The following TTC21B variants were observed in gnomAD, a reference collection of about 807,000 sequenced individuals.
The protein encoded by TTC21B is tetratricopeptide repeat protein 21B.
In TTC21B, 127 loss-of-function variants were observed where a neutral mutation model predicts 175.1. The ratio of observed to expected loss-of-function variants is 0.73; its 90% CI spans 0.63 to 0.84. The LOEUF is 0.84. TTC21B is among the 40% of genes least tolerant of loss of function. The pLI, the probability that TTC21B is intolerant of heterozygous loss-of-function variation, is 0.00. For synonymous variants in TTC21B, 524 were observed against 524.5 expected (o/e 1.00, Z 0.01); for missense variants, 1,561 against 1,558.3 (o/e 1.00, Z -0.03).
rs868406325 is a variant in TTC21B at position 165,900,954 on chromosome 2, T to C, written c.2757+768A>G. Among the ~76,000 whole-genome samples, 11 of 151,582 alleles carry C rather than the reference T, an allele frequency of 7.3e-5. No homozygotes were observed. In the South Asian group the frequency reaches 2.3e-3, roughly 32 times the overall value. On this transcript the variant is annotated intron_variant, in intron 20 of 28. Coordinates refer to ENST00000243344, the MANE Select transcript of TTC21B (RefSeq NM_024753.5). ...TATTGCTTTGTTACCCAGGCTGTAG[T>C]ACAGTGGCATCATCATGGTTAACTG...
chr2:165,914,654 A>AGTGTGTGTGTGTGTGTGTGTGTGTGTGT (rs1553511255), intron 15 of TTC21B, among the ~76,000 whole-genome samples: 2 of 17,102 alleles, frequency 1.2e-4, no homozygotes, highest in South Asian at 1.5e-3. Context: ...GAGGAAGAGC[A>AGTGTGTGTGTGTGTGTGTGTGTGTGTGT]ATCTGTGTGT....
chr2:165,925,042 T>C (rs908826924), intron 11 of TTC21B, among the ~76,000 whole-genome samples: 7 of 152,114 alleles, frequency 4.6e-5, no homozygotes, highest in African/African-American at 1.7e-4. Context: ...ACTGACAGAG[T>C]CAAGGCAGTA....
rs1685992967 is a variant in TTC21B, at chr2:165,912,566, G to A, written c.2270C>T (p.Thr757Ile). The part of the protein sequence containing the change: ...QALNQNPKDG[T>I]LASKMGKALI... ...TGCTTTGCCCATTTTGCTTGCCAAT[G>A]TTCCATCTTTCGGGTTCTGATTTAA... The change falls in exon 17 of 29, where the codon ACA becomes ATA. Residue 757 changes from threonine to isoleucine, a missense_variant. By Grantham distance (89) the Thr-to-Ile change is moderately conservative. Coordinates refer to ENST00000243344, the MANE Select transcript of TTC21B (RefSeq NM_024753.5). 1 of 1,614,094 alleles carries A rather than the reference G, an allele frequency of 6.2e-7. No homozygotes were observed. Among genetic ancestry groups the A allele is most frequent in the East Asian group, 2.2e-5 (1 of 44,850 alleles).
chr2:165,949,663 T>A lies in TTC21B; in HGVS notation c.83A>T (p.Glu28Val). 2 of 1,613,400 alleles carry A rather than the reference T, an allele frequency of 1.2e-6. No individual in the cohort carries two copies. The highest frequency in any genetic ancestry group is 1.7e-6 in the Non-Finnish European group (2 of 1,179,722). ...YFHHVLLVAS[E>V]GIKRYGSDPV... ...ATCACTTCCATACCTCTTAATTCCT[T>A]CACTGGCAACCAGTAATACATGATG... Residue 28 changes from glutamate to valine, a missense_variant, in exon 2 of 29, where the codon GAA (glutamate) becomes GTA (valine). Glu to Val is a moderately radical substitution (Grantham distance 121, BLOSUM62 -2). Coordinates refer to ENST00000243344, the MANE Select transcript of TTC21B (RefSeq NM_024753.5).
chr2:165,922,644 A>G (rs573775905), intron 12 of TTC21B, among the ~76,000 whole-genome samples: 2 of 152,140 alleles, frequency 1.3e-5, no homozygotes, highest in African/African-American at 4.8e-5. Context: ...GAGAATGTAA[A>G]TTAGTACAAC....
At position 165,909,848 on chromosome 2, in the gene TTC21B, T is replaced by C. The variant is rs1685869864; in HGVS notation, c.2461+1479A>G. Among the ~76,000 whole-genome samples the C allele has an allele frequency of 2.0e-5, 3 of 152,322 alleles. No individual in the cohort carries two copies. The South Asian group carries it at 6.2e-4, about 32-fold the overall frequency. On this transcript the variant is annotated intron_variant, in intron 18 of 28. Transcript: ENST00000243344. ...CTAAAAAATAAAGAAGAGCTATATT[T>C]CTAACAAGGAAAGAAGTTATTAAAT...
chr2:165,874,961 C>G, intron 28 of TTC21B, 129 bp from the exon 29 acceptor site: 1 of 753,198 alleles, frequency 1.3e-6, no homozygotes, highest in Non-Finnish European at 2.3e-6. Flanking sequence ...AGCTATAACA[C>G]TTTTTAATGG....
rs1684607681 is a variant in TTC21B at position 165,874,668 on chromosome 2, T to C, written c.*87A>G. On this transcript the variant is annotated 3_prime_UTR_variant, in exon 29 of 29. Coordinates refer to ENST00000243344, the MANE Select transcript of TTC21B (RefSeq NM_024753.5). Reference sequence around the variant, plus strand: ...GGGTATACTTCTAATAACAAAGCACTGAGCTCAAACCTGTTTTGAACAGGA... The same window carrying C: ...GGGTATACTTCTAATAACAAAGCACCGAGCTCAAACCTGTTTTGAACAGGA... The C allele has an allele frequency of 4.0e-6, 5 of 1,240,158 alleles. No individual in the cohort carries two copies. 76.8% of individuals were successfully genotyped at this position (1,240,158 alleles called of 1,614,324 possible).
Position 165,873,927 on chromosome 2 carries a change from C to T in TTC21B, c.*828G>A, listed in dbSNP as rs1371211543. ...CAAAACTTACCACATCTTTTGAGTTCCAAGAGGAATATAAATCATCTATTT... is the reference window on the plus strand; with the variant it reads ...CAAAACTTACCACATCTTTTGAGTTTCAAGAGGAATATAAATCATCTATTT... On this transcript the variant is annotated 3_prime_UTR_variant, in exon 29 of 29. Transcript: ENST00000243344. 2 of 151,828 alleles carry T rather than the reference C, an allele frequency of 1.3e-5. No homozygotes were observed. The highest frequency in any genetic ancestry group is 2.9e-5 in the Non-Finnish European group (2 of 67,952). The allele number at this position is 151,828 out of a possible 1,614,324, so 9.4% of individuals were successfully genotyped here. A position where few individuals can be genotyped will look rare whatever the true frequency, so the allele number is the denominator to read the frequency against.
chr2:165,912,371 C>T, intron 17 of TTC21B, 143 bp downstream of exon 17: 3 of 718,900 alleles, frequency 4.2e-6, no homozygotes, highest in Admixed American at 2.0e-5. Flanking sequence ...TCTAAGAAGG[C>T]CTTTAACACA....
intron 25 of TTC21B, among the ~76,000 whole-genome samples, chr2:165,884,689 A>C (rs1250577804): frequency 2.0e-5 from 3 of 152,226 alleles, no homozygotes; most frequent in African/African-American, 7.2e-5. Context: ...ATTCTTTTGG[A>C]TAGAGTTTGA....
Position 165,898,734 on chromosome 2 carries a change from A to G in TTC21B, c.2902T>C (p.Tyr968His). The change falls in exon 22 of 29, where the codon TAT becomes CAT. Residue 968 changes from tyrosine (Y) to histidine (H), a missense_variant. Physicochemically the swap from Tyr to His is moderately conservative, Grantham distance 83. Coordinates refer to ENST00000243344, the MANE Select transcript of TTC21B (RefSeq NM_024753.5). ...MADLMFRKQD[Y>H]EQAVFHLQQL... ...TGTAAATGAAACACTGCTTGTTCAT[A>G]GTCTTGTTTTCTGAACATGAGATCA... 1 of 1,613,650 alleles carries G rather than the reference A, an allele frequency of 6.2e-7. No homozygotes were observed. The highest frequency in any genetic ancestry group is 1.1e-5 in the South Asian group (1 of 91,084).
chr2:165,920,675 C>T (rs1369506933), intron 12 of TTC21B, among the ~76,000 whole-genome samples: 4 of 138,562 alleles, frequency 2.9e-5, no homozygotes, highest in South Asian at 2.3e-4. Flanking sequence ...AAATGAGTGC[C>T]GTATGAGTAA....
intron 8 of TTC21B, among the ~76,000 whole-genome samples, chr2:165,930,733 GT>G (rs1319605828): frequency 0.028 from 454 of 16,094 alleles, 3 homozygotes; most frequent in African/African-American, 0.18. Context: ...GGGTATGGGG[GT>G]GTGTGTGTGT....
intron 1 of TTC21B, among the ~76,000 whole-genome samples, chr2:165,952,804 T>C (rs1042199685): frequency 1.3e-5 from 2 of 152,222 alleles, no homozygotes; most frequent in African/African-American, 4.8e-5. Context: ...CACATTTCAT[T>C]TACCTACTTG....
chr2:165,883,180 C>G (rs1445386748), intron 26 of TTC21B, among the ~76,000 whole-genome samples: 1 of 151,574 alleles, frequency 6.6e-6, no homozygotes, highest in Non-Finnish European at 1.5e-5. Flanking sequence ...GCAATTATTT[C>G]TCAACAAAAA....
chr2:165,888,166 T>C (rs1574068742), intron 25 of TTC21B, 113 bp downstream of exon 25: 1 of 861,354 alleles, frequency 1.2e-6, no homozygotes, highest in Non-Finnish European at 1.8e-6. Flanking sequence ...TAATTTTTAA[T>C]AAAAGTTAAG....
chr2:165,941,947 A>T (rs1041902226), intron 5 of TTC21B, among the ~76,000 whole-genome samples: 1 of 152,214 alleles, frequency 6.6e-6, no homozygotes, highest in Non-Finnish European at 1.5e-5. Context: ...TCTGAAAAAA[A>T]GTTTTACTAT....
chr2:165,901,855 G>A lies in TTC21B; in HGVS notation c.2624C>T (p.Ala875Val), dbSNP rs1185913676. 1.2e-6 allele frequency: 2 copies of A among 1,613,760 alleles called. No individual in the cohort carries two copies. The highest frequency in any genetic ancestry group is 1.7e-6 in the Non-Finnish European group (2 of 1,179,988). Residue 875 changes from alanine to valine, a missense_variant, in exon 20 of 29, where the codon GCA becomes GTA. Coordinates refer to ENST00000243344, the MANE Select transcript of TTC21B (RefSeq NM_024753.5). ...LKRVQMEQPD[A>V]VPAQKHLAAE... ...TGCTAAATGTTTCTGTGCAGGAACTGCATCTGGCTGTTCCATCTGAACACG... is the reference window on the plus strand; with the variant it reads ...TGCTAAATGTTTCTGTGCAGGAACTACATCTGGCTGTTCCATCTGAACACG...
Sources: allele counts gnomAD v4.1 joint callset (sites outside exome capture counted in the v4.1 genomes callset), GRCh38; gene constraint gnomAD v4.1.1; transcripts MANE v1.5; gene names NCBI Gene and HGNC (gene_info 2026-07-23, HGNC 2026-07-21).